The following NUP160 variants were observed in gnomAD, a reference collection of about 807,000 sequenced individuals.
NUP160 encodes nucleoporin 160, also known as nuclear pore complex protein Nup160.
A neutral mutation model predicts 196.9 loss-of-function variants in NUP160; 94 were observed. The ratio of observed to expected loss-of-function variants is 0.48; its 90% confidence interval spans 0.40 to 0.57. NUP160 has a LOEUF of 0.57. Among genes scored for constraint, NUP160 ranks in the 20% least tolerant of loss-of-function variants. NUP160 has a pLI of 0.00. For synonymous variants in NUP160, 605 were observed against 619.7 expected (o/e 0.98, Z 0.35); for missense variants, 1,638 against 1,748.3 (o/e 0.94, Z 1.13).
At chr11:47,837,433 T>A in intron 5 of NUP160, 112 bp downstream of exon 5, 2 of 811,744 alleles carry the variant, frequency 2.5e-6, no homozygotes, top group Non-Finnish European at 4.1e-6. Flanking sequence ...CTGACTGTTC[T>A]CCTTTCCAGT....
At chr11:47,821,636 A>C in intron 9 of NUP160, 88 bp downstream of exon 9, 1 of 924,168 alleles carries the variant, frequency 1.1e-6, no homozygotes, top group South Asian at 1.4e-5. Context: ...TTAGGATTAC[A>C]GGCATGAGAC....
exon 14 of NUP160, chr11:47,813,323 T>C (rs2097682231): frequency 6.3e-7 from 1 of 1,581,162 alleles, no homozygotes; most frequent in South Asian, 1.1e-5. Context: ...TACCATCAGA[T>C]ATGGTTGTCT....
intron 33 of NUP160, among the ~76,000 whole-genome samples, chr11:47,783,565 T>G (rs1310232732): frequency 6.6e-6 from 1 of 152,158 alleles, no homozygotes; most frequent in Non-Finnish European, 1.5e-5. Flanking sequence ...ATTCACATAA[T>G]AAGAAATATA....
intron 9 of NUP160, 137 bp downstream of exon 9, chr11:47,821,587 T>C: frequency 3.1e-6 from 2 of 638,260 alleles, no homozygotes; most frequent in Non-Finnish European, 2.8e-6. Flanking sequence ...CTCGAACTCC[T>C]GAGCTTAAGT....
At chr11:47,826,880 T>C (rs1458084589) in intron 7 of NUP160, among the ~76,000 whole-genome samples, 1 of 152,034 alleles carries the variant, frequency 6.6e-6, no homozygotes, top group African/African-American at 2.4e-5. Flanking sequence ...CTTTGCATAA[T>C]AACACTGCAT....
chr11:47,841,314 A>T (rs921281562), intron 2 of NUP160: 2 of 311,652 alleles, frequency 6.4e-6, no homozygotes, highest in African/African-American at 4.5e-5. Flanking sequence ...TTAGAACTTC[A>T]GCCATAAAAA....
In NUP160 at chr11:47,831,842, C is replaced by CA. The variant is rs372159602; in HGVS notation, c.1101+3808dup. On this transcript the variant is annotated intron_variant, in intron 7 of 35. Coordinates refer to ENST00000378460, the Ensembl canonical transcript of NUP160. ...TTAGTGACAAAGCGAGACTCTCTCT[C>CA]AAAAAAAAAAAAAAAAAAAAAAAAA... 2.1e-3 allele frequency among the ~76,000 whole-genome samples: 142 copies of CA among 66,672 alleles called. 3 individuals carry two copies. The highest frequency in any genetic ancestry group is 9.5e-3 in the African/African-American group (134 of 14,100). The allele number at this position is 66,672 out of a possible 152,430, so 43.7% of individuals were successfully genotyped here.
In NUP160 at chr11:47,788,615, T is replaced by C. The variant is rs749581419; in HGVS notation, c.3512-4A>G. ...AGGATTTCAATTTGTCGATTTGCTA[T>C]ACATCAAAGAAAAATATTTTGAACT... On this transcript the variant is annotated splice_polypyrimidine_tract_variant and splice_region_variant and intron_variant, in intron 29 of 35. Transcript: ENST00000378460. The C allele has an allele frequency of 8.1e-6, 13 of 1,595,710 alleles. No homozygotes were observed. In the Middle Eastern group the frequency reaches 6.6e-4, roughly 81 times the overall value.
intron 4 of NUP160, among the ~76,000 whole-genome samples, chr11:47,838,874 A>G (rs2135401294): frequency 6.6e-6 from 1 of 151,810 alleles, no homozygotes; most frequent in East Asian, 2.0e-4. Context: ...TATGGTGGCA[A>G]ATGCCTGTAA....
chr11:47,835,896 T>C, intron 6 of NUP160, 87 bp from the exon 7 acceptor site: 2 of 1,047,576 alleles, frequency 1.9e-6, no homozygotes, highest in Non-Finnish European at 2.8e-6. Flanking sequence ...CCTTTCATTG[T>C]ATCTACTGCT....
At chr11:47,808,337 G>A in intron 18 of NUP160, 59 bp downstream of exon 18, 1 of 1,492,044 alleles carries the variant, frequency 6.7e-7, no homozygotes. Context: ...TTTAAGACAA[G>A]GGGAAAAATA....
chr11:47,783,465 A>G (rs980617332), intron 33 of NUP160, among the ~76,000 whole-genome samples: 2 of 152,110 alleles, frequency 1.3e-5, no homozygotes, highest in Non-Finnish European at 2.9e-5. Context: ...CCCCTGTTTT[A>G]TGACCTAAGA....
chr11:47,791,153 C>T (rs1218540907), intron 29 of NUP160, among the ~76,000 whole-genome samples: 1 of 85,428 alleles, frequency 1.2e-5, no homozygotes, highest in Non-Finnish European at 3.5e-5. Context: ...CACAAATTTT[C>T]TCTTCTTTTT....
chr11:47,798,324 C>T, intron 24 of NUP160, 44 bp downstream of exon 24: 2 of 1,547,068 alleles, frequency 1.3e-6, no homozygotes, highest in Non-Finnish European at 8.9e-7. Context: ...ACCACACCCA[C>T]AACAAACCTT....
At chr11:47,782,148 G>A (rs777216119) in intron 34 of NUP160, among the ~76,000 whole-genome samples, 4 of 151,530 alleles carry the variant, frequency 2.6e-5, no homozygotes, top group Middle Eastern at 6.8e-3. Context: ...GCTGGATGTG[G>A]TGGCAGGTGC....
chr11:47,784,286 C>A (rs1599302802), intron 33 of NUP160, among the ~76,000 whole-genome samples: 1 of 152,136 alleles, frequency 6.6e-6, no homozygotes, highest in African/African-American at 2.4e-5. Flanking sequence ...AATTCTGATG[C>A]AGACAGTCTA....
chr11:47,803,904 G>A (rs2097675910), intron 21 of NUP160, among the ~76,000 whole-genome samples: 1 of 152,176 alleles, frequency 6.6e-6, no homozygotes, highest in South Asian at 2.1e-4. Context: ...ACACTCTAGA[G>A]GCCAGGCACG....
chr11:47,792,829 C>T lies in NUP160; in HGVS notation c.3407G>A (p.Arg1136His), dbSNP rs753215206. Residue 1136 changes from arginine to histidine, a missense_variant, in exon 28 of 36, where the codon CGT (arginine) becomes CAT (histidine). By Grantham distance (29) the Arg-to-His change is conservative. Around this residue, in one of 3 missense-constraint regions of NUP160, gnomAD observed 1,345 missense variants for 1,470.2 expected, o/e 0.91. Coordinates refer to ENST00000378460, the Ensembl canonical transcript of NUP160. The stretch of plus-strand genomic sequence containing the variant: ...CTGCACAATCCACGCATATTCTGGA[C>T]GAATAAGTCGTAAACAATTGAGAGC... 7.4e-6 allele frequency: 12 copies of T among 1,613,968 alleles called. No individual in the cohort carries two copies. The highest frequency in any genetic ancestry group is 5.0e-5 in the Admixed American group (3 of 59,978).
chr11:47,815,612 T>C, exon 13 of NUP160: 1 of 1,610,438 alleles, frequency 6.2e-7, no homozygotes, highest in African/African-American at 1.3e-5. Context: ...TCGAAACTCC[T>C]CCTGGGAGAA....
Sources: gnomAD v4.1 joint callset for allele counts (sites outside exome capture counted in the v4.1 genomes callset) on GRCh38, gnomAD v4.1.1 for gene constraint, gnomAD v4.1.1 regional missense constraint, MANE v1.5 for transcripts, NCBI Gene and HGNC (gene_info 2026-07-23, HGNC 2026-07-21) for gene names.